The following SLC4A4 variants were observed in gnomAD, a reference collection of about 807,000 sequenced individuals.
The protein encoded by SLC4A4 is electrogenic sodium bicarbonate cotransporter 1.
SLC4A4 carries 27 observed loss-of-function variants against 111.5 expected under a neutral mutation model. The observed-to-expected ratio is 0.24, with a 90% CI of 0.18 to 0.33. The LOEUF is 0.33. Ranked by LOEUF, SLC4A4 falls within the 10% of genes least tolerant of loss-of-function variation. The pLI, the probability that SLC4A4 is intolerant of heterozygous loss-of-function variation, is 1.00. For missense variants in SLC4A4, 909 were observed against 1,315.5 expected, an observed-to-expected ratio of 0.69 and a Z score of 4.78; for synonymous variants, 443 against 463.4, an observed-to-expected ratio of 0.96 and a Z score of 0.57.
intron 6 of SLC4A4, among the ~76,000 whole-genome samples, chr4:71,393,766 T>G (rs1560468295): frequency 6.6e-6 from 1 of 152,078 alleles, no homozygotes; most frequent in Non-Finnish European, 1.5e-5. Flanking sequence ...CAAACTATAT[T>G]AAAAGGTCAT....
intron 15 of SLC4A4, among the ~76,000 whole-genome samples, chr4:71,495,977 G>A (rs913373629): frequency 6.6e-6 from 1 of 152,044 alleles, no homozygotes; most frequent in Non-Finnish European, 1.5e-5. Flanking sequence ...CAGTATGCAA[G>A]AAAGTGTTGT....
chr4:71,291,122 T>C (rs1324743130), intron 3 of SLC4A4, among the ~76,000 whole-genome samples: 2 of 152,088 alleles, frequency 1.3e-5, no homozygotes, highest in African/African-American at 4.8e-5. Context: ...GTTGAATAAA[T>C]GGAGGTGATA....
intron 16 of SLC4A4, among the ~76,000 whole-genome samples, chr4:71,504,911 G>T (rs942445130): frequency 3.9e-5 from 6 of 151,980 alleles, no homozygotes; most frequent in African/African-American, 1.2e-4. Context: ...CCCAGAGTGT[G>T]TTGTTTTTCT....
chr4:71,274,516 A>C (rs1385283784), intron 3 of SLC4A4, among the ~76,000 whole-genome samples: 1 of 152,250 alleles, frequency 6.6e-6, no homozygotes, highest in Non-Finnish European at 1.5e-5. Context: ...GGGGGTCACT[A>C]AACACAACAT....
intron 6 of SLC4A4, among the ~76,000 whole-genome samples, chr4:71,375,965 T>A (rs1732309866): frequency 6.6e-6 from 1 of 151,548 alleles, no homozygotes; most frequent in South Asian, 2.1e-4. Context: ...GCCCTAAGTG[T>A]CCCTGAGACC....
intron 3 of SLC4A4, among the ~76,000 whole-genome samples, chr4:71,338,549 G>C (rs990793815): frequency 7.0e-6 from 1 of 142,800 alleles, no homozygotes; most frequent in African/African-American, 2.6e-5. Flanking sequence ...TTCTTCTTTC[G>C]TCGTCTTCTT....
At chr4:71,266,390 A>T (rs1053610105) in intron 3 of SLC4A4, among the ~76,000 whole-genome samples, 2 of 152,012 alleles carry the variant, frequency 1.3e-5, no homozygotes, top group Non-Finnish European at 2.9e-5. Flanking sequence ...GAAATCCTGA[A>T]CTCTGTGCCA....
At chr4:71,165,394 T>A (rs1389651673) in intron 2 of SLC4A4, among the ~76,000 whole-genome samples, 2 of 152,218 alleles carry the variant, frequency 1.3e-5, no homozygotes. Flanking sequence ...TGAATTCATG[T>A]CCTTTGCAGG....
At chr4:71,133,820 C>G (rs549419205) in intron 2 of SLC4A4, among the ~76,000 whole-genome samples, 101 of 152,304 alleles carry the variant, frequency 6.6e-4, no homozygotes, top group Non-Finnish European at 9.3e-4. Flanking sequence ...TGCTCAAAGT[C>G]TTAGGGACCT....
Position 71,451,254 on chromosome 4 carries a change from C to T in SLC4A4, c.1275C>T (p.His425=), listed in dbSNP as rs114698511. The change falls in exon 11 of 26, where the codon CAC becomes CAT. Residue 425 remains histidine (H), a synonymous_variant. Transcript: ENST00000264485. ...GGGATACGCCCCATGATGGAGGTCA[C>T]GGAGGAGGAGGACATGGGGATTGTG... is the stretch of plus-strand genomic sequence containing the variant. ...MNGDTPHDGG[H]GGGGHGDCEE... 2.5e-4 allele frequency: 411 copies of T among 1,613,212 alleles called. 1 individual carries two copies. In the African/African-American group the frequency reaches 4.8e-3, roughly 19 times the overall value.
intron 1 of SLC4A4, among the ~76,000 whole-genome samples, chr4:71,206,035 C>T (rs898717910): frequency 1.3e-5 from 2 of 152,118 alleles, no homozygotes; most frequent in African/African-American, 2.4e-5. Flanking sequence ...TTGACTATGT[C>T]GTAGAACGCA....
intron 3 of SLC4A4, among the ~76,000 whole-genome samples, chr4:71,278,060 A>G (rs1723216471): frequency 6.6e-6 from 1 of 151,978 alleles, no homozygotes; most frequent in East Asian, 1.9e-4. Flanking sequence ...TCATCTTATA[A>G]CTGAAAGTTT....
chr4:71,558,241 G>T (rs1017011241), intron 22 of SLC4A4, among the ~76,000 whole-genome samples: 3 of 151,950 alleles, frequency 2.0e-5, no homozygotes, highest in African/African-American at 7.2e-5. Flanking sequence ...ACCAGTGCAT[G>T]TTAATTACTT....
chr4:71,509,389 G>A (rs1731706003), intron 16 of SLC4A4, among the ~76,000 whole-genome samples: 1 of 148,872 alleles, frequency 6.7e-6, no homozygotes, highest in African/African-American at 2.5e-5. Context: ...AATTCATGGA[G>A]TATCTTTTGT....
Position 71,086,039 on chromosome 4 carries a change from T to C in SLC4A4, c.-64-6691T>C, listed in dbSNP as rs572361708. 2.4e-3 allele frequency among the ~76,000 whole-genome samples: 363 copies of C among 152,182 alleles called. 4 individuals carry two copies. Among genetic ancestry groups the C allele is most frequent in the African/African-American group, 8.3e-3 (343 of 41,422 alleles). ...TATTGATTCTTCCTACCCATGAGCA[T>C]AGAATGTTCTTCCATTTGTTTGTAT... On this transcript the variant is annotated intron_variant, in intron 1 of 26. Coordinates refer to the SLC4A4 transcript ENST00000649996.
intron 9 of SLC4A4, 42 bp from the exon 10 acceptor site, chr4:71,450,345 CAG>C (rs756213391): frequency 7.2e-7 from 1 of 1,394,608 alleles, no homozygotes; most frequent in Non-Finnish European, 1.0e-6. Context: ...GAAGCATGTA[CAG>C]AGTTATCTTT....
At chr4:71,072,525 AT>A (rs1326879403) in intron 1 of SLC4A4, among the ~76,000 whole-genome samples, 1 of 151,496 alleles carries the variant, frequency 6.6e-6, no homozygotes, top group Non-Finnish European at 1.5e-5. Context: ...CTTTTTATTC[AT>A]TTTTTTATTT....
intron 5 of SLC4A4, among the ~76,000 whole-genome samples, chr4:71,351,152 C>T (rs1449738795): frequency 6.6e-6 from 1 of 152,194 alleles, no homozygotes; most frequent in Non-Finnish European, 1.5e-5. Flanking sequence ...TGCCCTGCAC[C>T]ATGAGGTTCA....
chr4:71,258,535 G>A (rs1380634975), intron 3 of SLC4A4, among the ~76,000 whole-genome samples: 4 of 152,128 alleles, frequency 2.6e-5, no homozygotes, highest in African/African-American at 4.8e-5. Context: ...CTTTGGCGCC[G>A]CACAATGCCT....
Sources: gnomAD v4.1 joint callset for allele counts (sites outside exome capture counted in the v4.1 genomes callset) on GRCh38, gnomAD v4.1.1 for gene constraint, MANE v1.5 for transcripts, NCBI Gene and HGNC (gene_info 2026-07-23, HGNC 2026-07-21) for gene names.